Variants in PCDHGA1 observed in about 807,000 individuals in gnomAD.
PCDHGA1 encodes protocadherin gamma-A1.
Under a neutral mutation model 58.0 loss-of-function variants are expected in PCDHGA1, and 32 were observed. That is an observed-to-expected ratio of 0.55 (90% CI 0.42 to 0.74). The LOEUF (loss-of-function observed/expected upper bound fraction) is 0.74. PCDHGA1 is among the 30% of genes least tolerant of loss of function. The pLI, the probability that PCDHGA1 is intolerant of heterozygous loss-of-function variation, is 0.00. For missense variants in PCDHGA1, 1,205 were observed against 1,182.3 expected (o/e 1.02, Z -0.28); for synonymous variants, 498 against 501.1 (o/e 0.99, Z 0.08).
intron 2 of PCDHGA1, among the ~76,000 whole-genome samples, chr5:141,504,722 C>T (rs747319660): frequency 1.3e-5 from 2 of 151,828 alleles, no homozygotes; most frequent in Non-Finnish European, 2.9e-5. Context: ...GGATTTTACT[C>T]TGAGGGCTTA....
At chr5:141,343,985 C>A in intron 1 of PCDHGA1, 1 of 1,448,320 alleles carries the variant, frequency 6.9e-7, no homozygotes, top group South Asian at 1.5e-5. Flanking sequence ...TGGAGTCCGT[C>A]GTAGGAAACT....
chr5:141,352,858 C>T (rs889457507), intron 1 of PCDHGA1, among the ~76,000 whole-genome samples: 2 of 152,006 alleles, frequency 1.3e-5, no homozygotes, highest in South Asian at 2.1e-4. Context: ...TGTGGTGGCA[C>T]GCGCCTGTAG....
intron 1 of PCDHGA1, among the ~76,000 whole-genome samples, chr5:141,455,138 TTAAA>T (rs1193499111): frequency 1.3e-5 from 2 of 151,028 alleles, no homozygotes; most frequent in Admixed American, 1.3e-4. Context: ...TTACACTGTG[TTAAA>T]TAAATATTAG....
chr5:141,451,582 T>C (rs1361047985), intron 1 of PCDHGA1, among the ~76,000 whole-genome samples: 1 of 152,012 alleles, frequency 6.6e-6, no homozygotes, highest in Non-Finnish European at 1.5e-5. Flanking sequence ...TAAACCTAAT[T>C]TTGAAAGTGA....
chr5:141,494,705 G>C, intron 1 of PCDHGA1, 102 bp from the exon 2 acceptor site: 1 of 1,597,990 alleles, frequency 6.3e-7, no homozygotes, highest in Non-Finnish European at 8.6e-7. Flanking sequence ...TTTCTTCTCT[G>C]TGCCCACTCC....
intron 1 of PCDHGA1, chr5:141,410,816 A>G (rs2095424614): frequency 1.8e-6 from 1 of 550,516 alleles, no homozygotes; most frequent in African/African-American, 2.1e-5. Flanking sequence ...TTTGTAAAAT[A>G]ATGTCACCAG....
Position 141,393,813 on chromosome 5 carries a change from C to T in PCDHGA1, c.2421+60708C>T, listed in dbSNP as rs376904307. On this transcript the variant is annotated intron_variant, in intron 1 of 3. Coordinates refer to ENST00000517417, the MANE Select transcript of PCDHGA1 (RefSeq NM_018912.3). ...GGCACTTCTGGGGAGGACCAAATTGCTCATTTCGGTGGAAGATGTAAATGA... is the reference window on the plus strand; with the variant it reads ...GGCACTTCTGGGGAGGACCAAATTGTTCATTTCGGTGGAAGATGTAAATGA... 4.3e-6 allele frequency: 7 copies of T among 1,613,812 alleles called. 1 individual carries two copies. The East Asian group carries it at 8.9e-5, about 21-fold the overall frequency.
intron 2 of PCDHGA1, among the ~76,000 whole-genome samples, chr5:141,502,067 CCTTCACCTGGGG>C (rs1307097799): frequency 6.6e-6 from 1 of 152,172 alleles, no homozygotes; most frequent in Non-Finnish European, 1.5e-5. Flanking sequence ...CCATTAGCCC[CCTTCACCTGGGG>C]CTGAGAACAC....
intron 1 of PCDHGA1, chr5:141,356,928 G>C (rs1760394420): frequency 1.2e-6 from 2 of 1,614,088 alleles, no homozygotes; most frequent in East Asian, 4.5e-5. Flanking sequence ...CTGGTGTGGA[G>C]CTGGCACCCC....
At chr5:141,355,314 G>A in intron 1 of PCDHGA1, 1 of 1,613,954 alleles carries the variant, frequency 6.2e-7, no homozygotes, top group Non-Finnish European at 8.5e-7. Flanking sequence ...TGTTTGAGGA[G>A]CAGGAAGAAG....
intron 1 of PCDHGA1, chr5:141,410,318 G>A: frequency 6.2e-7 from 1 of 1,613,982 alleles, no homozygotes; most frequent in Non-Finnish European, 8.5e-7. Flanking sequence ...CTTCCTCCTC[G>A]CCGTGATTCT....
chr5:141,448,192 TACAAAC>T (rs2098573842), intron 1 of PCDHGA1, among the ~76,000 whole-genome samples: 1 of 152,188 alleles, frequency 6.6e-6, no homozygotes, highest in Non-Finnish European at 1.5e-5. Flanking sequence ...TATGTACACT[TACAAAC>T]ATTTTCTGTG....
intron 1 of PCDHGA1, among the ~76,000 whole-genome samples, chr5:141,347,786 C>CAA (rs1186221035): frequency 6.6e-5 from 7 of 106,268 alleles, no homozygotes; most frequent in Non-Finnish European, 7.9e-5. Flanking sequence ...GACTCCATCT[C>CAA]AAAAAAAAAA....
At chr5:141,387,967 C>G in intron 1 of PCDHGA1, 1 of 1,489,226 alleles carries the variant, frequency 6.7e-7, no homozygotes, top group Non-Finnish European at 9.0e-7. Flanking sequence ...TTCTGCCCGG[C>G]GCTCTGTGAG....
At chr5:141,381,475 GA>G (rs1777221405) in intron 1 of PCDHGA1, among the ~76,000 whole-genome samples, 1 of 152,226 alleles carries the variant, frequency 6.6e-6, no homozygotes, top group African/African-American at 2.4e-5. Context: ...GCTGTCTAGA[GA>G]TCCCTGTTTT....
chr5:141,360,892 G>C, intron 1 of PCDHGA1: 1 of 1,614,028 alleles, frequency 6.2e-7, no homozygotes, highest in Non-Finnish European at 8.5e-7. Context: ...CACCCTGAGG[G>C]AGGACGTGCC....
chr5:141,395,036 G>C, intron 1 of PCDHGA1: 2 of 1,614,110 alleles, frequency 1.2e-6, no homozygotes, highest in South Asian at 1.1e-5. Context: ...CACATTTTGT[G>C]GGTGTTGAGG....
In PCDHGA1 at chr5:141,400,247, T is replaced by C; in HGVS notation, c.2421+67142T>C. 1 of 1,614,050 alleles carries C rather than the reference T, an allele frequency of 6.2e-7. No homozygotes were observed. Among genetic ancestry groups the C allele is most frequent in the East Asian group, 2.2e-5 (1 of 44,884 alleles). ...TTCCTCCTGGCCGTGATTCTGGCCG[T>C]TGCCTTGCGCCTGCGACGCTCCTCC... On this transcript the variant is annotated intron_variant, in intron 1 of 3. Transcript: ENST00000517417.
At chr5:141,378,926 T>C (rs1342547905) in intron 1 of PCDHGA1, 1 of 152,216 alleles carries the variant, frequency 6.6e-6, no homozygotes, top group Non-Finnish European at 1.5e-5. Flanking sequence ...AAAAGTAAGT[T>C]GATGGCCCTG....
Sources: gnomAD v4.1 joint callset for allele counts (sites outside exome capture counted in the v4.1 genomes callset) on GRCh38, gnomAD v4.1.1 for gene constraint, MANE v1.5 for transcripts, NCBI Gene and HGNC (gene_info 2026-07-23, HGNC 2026-07-21) for gene names.